EEA1: variants seen among roughly 807,000 people sequenced by gnomAD.
EEA1 encodes early endosome antigen 1, 162kD.
Under a neutral mutation model 209.2 loss-of-function variants are expected in EEA1, and 111 were observed. The ratio of observed to expected loss-of-function variants is 0.53; its 90% CI spans 0.45 to 0.62. The LOEUF (loss-of-function observed/expected upper bound fraction) is 0.62, where lower values mean the gene tolerates loss of function less well. Ranked by LOEUF, EEA1 falls within the 20% of genes least tolerant of loss-of-function variation. The pLI, the probability that EEA1 is intolerant of heterozygous loss-of-function variation, is 0.00. For missense variants in EEA1, 1,343 were observed against 1,530.8 expected (o/e 0.88, Z 2.05); for synonymous variants, 536 against 540.6 (o/e 0.99, Z 0.12).
At chr12:92,837,965 T>C (rs942178284) in intron 10 of EEA1, among the ~76,000 whole-genome samples, 1 of 152,128 alleles carries the variant, frequency 6.6e-6, no homozygotes, top group Non-Finnish European at 1.5e-5. Flanking sequence ...GAGAAGTAGA[T>C]AGTGAGGATA....
At chr12:92,842,361 TAA>T (rs113631590) in intron 10 of EEA1, 102 bp downstream of exon 10, 8,525 of 566,146 alleles carry the variant, frequency 0.015, 493 homozygotes, top group African/African-American at 0.14. Context: ...AAAAAAAAAA[TAA>T]GTCACATTGT....
At position 92,809,054 on chromosome 12, in the gene EEA1, T is replaced by C; in HGVS notation, c.2302A>G (p.Thr768Ala). 2 of 1,604,598 alleles carry C rather than the reference T, an allele frequency of 1.2e-6. No individual in the cohort carries two copies. Among genetic ancestry groups the C allele is most frequent in the Non-Finnish European group, 1.7e-6 (2 of 1,175,094 alleles). ...ATTTCAAGTTGTTTACTCAATTCTG[T>C]GGCTCTGAGCTCTAAATCTGTGTTC... The part of the protein sequence containing the change: ...QLNTDLELRA[T>A]ELSKQLEMEK... Residue 768 changes from threonine to alanine, a missense_variant, in exon 18 of 29, where the codon ACA (threonine) becomes GCA (alanine). Physicochemically the swap from Thr to Ala is moderately conservative, Grantham distance 58. Around this residue, in one of 3 missense-constraint regions of EEA1, gnomAD observed 1,307 missense variants for 1,465.5 expected, o/e 0.89. Transcript: ENST00000322349.
rs1873404774 is a variant in EEA1, at chr12:92,770,938, AACTTT to A, written c.*5068_*5072del. The A allele has an allele frequency of 6.6e-6, 1 of 151,814 alleles. No individual in the cohort carries two copies. The highest frequency in any genetic ancestry group is 1.5e-5 in the Non-Finnish European group (1 of 67,950). The allele number at this position is 151,814 out of a possible 1,614,324, so 9.4% of individuals were successfully genotyped here. A position where few individuals can be genotyped will look rare whatever the true frequency, so the allele number is the denominator to read the frequency against. On this transcript the variant is annotated 3_prime_UTR_variant, in exon 29 of 29. Transcript: ENST00000322349. The stretch of plus-strand genomic sequence containing the variant: ...AGACATAGTAAGGTATCTGTCTCTT[AACTTT>A]ATTTTTTGAAGAATGATGGTGTTTG...
rs373632739 is a variant in EEA1, at chr12:92,811,297, C to A, written c.2181G>T (p.Glu727Asp). The A allele has an allele frequency of 1.3e-6, 2 of 1,567,958 alleles. No homozygotes were observed. The highest frequency in any genetic ancestry group is 8.6e-7 in the Non-Finnish European group (1 of 1,161,392). ...KYLSLEQKTE[E>D]LEGQIKKLEA... Reference sequence around the variant, plus strand: ...TACAAACCTTAATTTGACCTTCTAGCTCTTCGGTTTTCTGTTCTAAAGAGA... The same window carrying A: ...TACAAACCTTAATTTGACCTTCTAGATCTTCGGTTTTCTGTTCTAAAGAGA... Residue 727 changes from glutamate to aspartate, a missense_variant, in exon 17 of 29, where the codon GAG becomes GAT. Physicochemically the swap from Glu to Asp is conservative, Grantham distance 45 (BLOSUM62 2). This residue lies in a region of EEA1 where 1,307 missense variants were observed against 1,465.5 expected (regional missense o/e 0.89). Transcript: ENST00000322349.
chr12:92,868,279 G>T (rs1878489314), intron 2 of EEA1, among the ~76,000 whole-genome samples: 1 of 152,122 alleles, frequency 6.6e-6, no homozygotes, highest in Non-Finnish European at 1.5e-5. Flanking sequence ...CCATCTGTTG[G>T]CATTCTTAGA....
At chr12:92,855,006 G>A (rs1380668358) in intron 5 of EEA1, among the ~76,000 whole-genome samples, 1 of 152,172 alleles carries the variant, frequency 6.6e-6, no homozygotes, top group Admixed American at 6.5e-5. Flanking sequence ...AATAAACCAT[G>A]CAATTCATGA....
intron 3 of EEA1, among the ~76,000 whole-genome samples, chr12:92,864,262 C>T: frequency 6.6e-6 from 1 of 151,876 alleles, no homozygotes; most frequent in South Asian, 2.1e-4. Flanking sequence ...TACTTTTTTA[C>T]AAGTACAATG....
intron 21 of EEA1, among the ~76,000 whole-genome samples, chr12:92,798,345 A>ATTTTTTTTTTTTTTTT (rs202235633): frequency 6.7e-6 from 1 of 149,488 alleles, no homozygotes; most frequent in African/African-American, 2.5e-5. Context: ...CATTATTATT[A>ATTTTTTTTTTTTTTTT]TTATTATTTT....
At chr12:92,859,331 A>G (rs1878029031) in intron 3 of EEA1, 2 of 1,147,792 alleles carry the variant, frequency 1.7e-6, no homozygotes, top group Non-Finnish European at 2.5e-6. Flanking sequence ...GAAGCCTTCA[A>G]GCTCTGAGGG....
At chr12:92,893,747 GCTA>G (rs1480426128) in intron 1 of EEA1, among the ~76,000 whole-genome samples, 1 of 151,300 alleles carries the variant, frequency 6.6e-6, no homozygotes, top group Non-Finnish European at 1.5e-5. Context: ...TTTTCATTTT[GCTA>G]CTTTTTTTTT....
chr12:92,829,804 C>T (rs1360867755), intron 11 of EEA1, among the ~76,000 whole-genome samples: 2 of 97,374 alleles, frequency 2.1e-5, no homozygotes, highest in African/African-American at 4.2e-5. Context: ...AAACAAAAAA[C>T]AAGCCAAATG....
intron 12 of EEA1, among the ~76,000 whole-genome samples, chr12:92,827,289 C>T (rs924568329): frequency 4.0e-5 from 6 of 151,578 alleles, no homozygotes; most frequent in East Asian, 1.9e-4. Flanking sequence ...AGGAGGCGGA[C>T]GTTGCAGTGA....
intron 2 of EEA1, chr12:92,883,854 T>A (rs1390896927): frequency 6.2e-7 from 1 of 1,602,936 alleles, no homozygotes. Context: ...AAACAACCGA[T>A]GAGAGCCTGA....
Position 92,813,207 on chromosome 12 carries a change from A to G in EEA1, c.1930-114T>C, listed in dbSNP as rs1875607830. On this transcript the variant is annotated intron_variant, in intron 15 of 28. Transcript: ENST00000322349. ...CTATTTAAAAATTAAGTCCTTGGCA[A>G]AAACATATGGATTTATATATTGAAA... 4.6e-5 allele frequency: 26 copies of G among 566,934 alleles called. 1 individual carries two copies. The South Asian group carries it at 8.6e-4, about 19-fold the overall frequency. 35.1% of individuals were successfully genotyped at this position (566,934 alleles called of 1,614,324 possible). A position where few individuals can be genotyped will look rare whatever the true frequency, so the allele number is the denominator to read the frequency against.
At chr12:92,920,786 G>C (rs973181572) in intron 1 of EEA1, among the ~76,000 whole-genome samples, 1 of 150,506 alleles carries the variant, frequency 6.6e-6, no homozygotes, top group East Asian at 1.9e-4. Flanking sequence ...CACAGCAAAA[G>C]AAACTACCAT....
At chr12:92,836,781 T>C (rs867664076) in intron 10 of EEA1, among the ~76,000 whole-genome samples, 3 of 152,182 alleles carry the variant, frequency 2.0e-5, no homozygotes, top group Middle Eastern at 6.8e-3. Context: ...TTAGGAAAAC[T>C]CTCACCTTGG....
intron 25 of EEA1, 33 bp downstream of exon 25, chr12:92,779,082 G>A (rs1263013400): frequency 1.3e-6 from 2 of 1,565,038 alleles, no homozygotes; most frequent in Non-Finnish European, 1.7e-6. Flanking sequence ...AAGCTCTACT[G>A]CAAAACACAC....
At chr12:92,923,095 C>A (rs1218932111) in intron 1 of EEA1, among the ~76,000 whole-genome samples, 1 of 152,134 alleles carries the variant, frequency 6.6e-6, no homozygotes, top group African/African-American at 2.4e-5. Flanking sequence ...CGCCTGTAAT[C>A]CCAGCACTTT....
At chr12:92,898,651 G>A (rs1293431727) in intron 1 of EEA1, among the ~76,000 whole-genome samples, 3 of 141,204 alleles carry the variant, frequency 2.1e-5, no homozygotes, top group East Asian at 4.0e-4. Flanking sequence ...GTGACAGAGC[G>A]AGACTCCATC....
Sources: allele counts gnomAD v4.1 joint callset (sites outside exome capture counted in the v4.1 genomes callset), GRCh38; gene constraint gnomAD v4.1.1; regional missense constraint gnomAD v4.1.1; transcripts MANE v1.5; gene names NCBI Gene and HGNC (gene_info 2026-07-23, HGNC 2026-07-21).